The following CAPZB variants were observed in gnomAD, a reference collection of about 807,000 sequenced individuals.
CAPZB encodes F-actin-capping protein subunit beta.
In CAPZB, 2 loss-of-function variants were observed where a neutral mutation model predicts 38.1. The ratio of observed to expected loss-of-function variants is 0.05; its 90% CI spans 0.02 to 0.17. The LOEUF is 0.17. Ranked by LOEUF, CAPZB falls within the 10% of genes least tolerant of loss-of-function variation. The pLI is 1.00. For missense variants in CAPZB, 161 were observed against 334.2 expected (o/e 0.48, Z 4.04); for synonymous variants, 107 against 127.4 (o/e 0.84, Z 1.08).
intron 3 of CAPZB, among the ~76,000 whole-genome samples, chr1:19,384,052 G>T (rs2094190800): frequency 6.6e-6 from 1 of 152,162 alleles, no homozygotes; most frequent in Middle Eastern, 3.2e-3. Flanking sequence ...TAAAACTGTT[G>T]TCTAGTCTCT....
At chr1:19,366,283 A>AATAAATAAATATATATAT (rs71008151) in intron 4 of CAPZB, among the ~76,000 whole-genome samples, 3 of 60,498 alleles carry the variant, frequency 5.0e-5, no homozygotes, top group Non-Finnish European at 1.0e-4. Context: ...CGTGTCTTAA[A>AATAAATAAATATATATAT]ATATATATAT....
rs552762499 is a variant in CAPZB at position 19,357,670 on chromosome 1, C to A, written c.330-107G>T. 23 of 1,087,104 alleles carry A rather than the reference C, an allele frequency of 2.1e-5. No homozygotes were observed. The South Asian group carries it at 2.9e-4, about 14-fold the overall frequency. The allele number at this position is 1,087,104 out of a possible 1,614,324, so 67.3% of individuals were successfully genotyped here. A position where few individuals can be genotyped will look rare whatever the true frequency, so the allele number is the denominator to read the frequency against. ...ATTCTGGGATTCAGGGCCCTCCCTG[C>A]GACAGTTATGGGAGCCGATCCTTGG... On this transcript the variant is annotated intron_variant, in intron 4 of 8. Transcript: ENST00000264202. The surrounding 1 kb of genome is among the most constrained non-coding windows in gnomAD (Gnocchi z 4.3).
intron 1 of CAPZB, chr1:19,484,409 G>C: frequency 6.6e-7 from 1 of 1,523,412 alleles, no homozygotes; most frequent in Non-Finnish European, 8.8e-7. Flanking sequence ...ACTCAGGCCC[G>C]GGCGCCGTGG....
intron 2 of CAPZB, among the ~76,000 whole-genome samples, chr1:19,416,888 A>AAAAAAAAAAAAAAAAAT (rs2094382242): frequency 6.9e-6 from 1 of 144,032 alleles, no homozygotes; most frequent in African/African-American, 2.6e-5. Flanking sequence ...AAAAAAAAAA[A>AAAAAAAAAAAAAAAAAT]GTATGCTCTG....
At chr1:19,342,196 G>A (rs540447134) in intron 8 of CAPZB, among the ~76,000 whole-genome samples, 74 of 152,370 alleles carry the variant, frequency 4.9e-4, no homozygotes, top group Middle Eastern at 3.4e-3. Context: ...AGCTCCAGCA[G>A]AGCATCTGGG....
intron 1 of CAPZB, among the ~76,000 whole-genome samples, chr1:19,431,096 A>G (rs545478813): frequency 6.6e-6 from 1 of 152,318 alleles, no homozygotes; most frequent in South Asian, 2.1e-4. Flanking sequence ...CCCATAACAA[A>G]TGAGACATCA....
intron 1 of CAPZB, among the ~76,000 whole-genome samples, chr1:19,464,855 A>C (rs1320230767): frequency 6.6e-6 from 1 of 152,172 alleles, no homozygotes; most frequent in Non-Finnish European, 1.5e-5. Context: ...GTGACAAAGC[A>C]GATCAGTGGT....
At chr1:19,350,595 A>G (rs116764902) in intron 6 of CAPZB, among the ~76,000 whole-genome samples, 3,849 of 138,688 alleles carry the variant, frequency 0.028, 151 homozygotes, top group African/African-American at 0.098. Context: ...CTTGCAAGAT[A>G]TATGGTAGTA....
chr1:19,386,604 G>T (rs1445337153), intron 2 of CAPZB, among the ~76,000 whole-genome samples: 1 of 152,162 alleles, frequency 6.6e-6, no homozygotes, highest in Non-Finnish European at 1.5e-5. Flanking sequence ...GGCTGACAGC[G>T]ACAGTGGTTC....
intron 2 of CAPZB, among the ~76,000 whole-genome samples, chr1:19,412,388 CATT>C: frequency 6.6e-6 from 1 of 152,252 alleles, no homozygotes; most frequent in African/African-American, 2.4e-5. Context: ...GTGGAAAAAG[CATT>C]TTTTTAATGT....
intron 1 of CAPZB, among the ~76,000 whole-genome samples, chr1:19,448,105 T>C (rs1160310536): frequency 2.0e-5 from 3 of 152,198 alleles, no homozygotes; most frequent in African/African-American, 4.8e-5. Flanking sequence ...AATTAAGTAG[T>C]AGCCAGTCAA....
chr1:19,392,827 A>C (rs993945768), intron 2 of CAPZB, among the ~76,000 whole-genome samples: 3 of 152,210 alleles, frequency 2.0e-5, no homozygotes, highest in Non-Finnish European at 4.4e-5. Flanking sequence ...AATAGGTAAT[A>C]CATTCACATA....
At chr1:19,353,255 G>A (rs2094001634) in intron 6 of CAPZB, among the ~76,000 whole-genome samples, 2 of 152,302 alleles carry the variant, frequency 1.3e-5, no homozygotes, top group South Asian at 4.1e-4. Flanking sequence ...AAACCAAGCA[G>A]CCTTCCTTCC....
At chr1:19,367,999 C>T (rs2094099399) in intron 4 of CAPZB, among the ~76,000 whole-genome samples, 1 of 152,192 alleles carries the variant, frequency 6.6e-6, no homozygotes, top group Non-Finnish European at 1.5e-5. Flanking sequence ...CATGAGCCGT[C>T]AACAGTCAGG....
intron 6 of CAPZB, among the ~76,000 whole-genome samples, chr1:19,348,298 G>T (rs916863530): frequency 2.0e-5 from 3 of 151,904 alleles, no homozygotes; most frequent in Non-Finnish European, 4.4e-5. Context: ...AGACAAGGAG[G>T]TCTTGCTATG....
At chr1:19,375,220 T>C (rs2094138955) in intron 4 of CAPZB, among the ~76,000 whole-genome samples, 1 of 152,238 alleles carries the variant, frequency 6.6e-6, no homozygotes, top group African/African-American at 2.4e-5. Context: ...ATTTTTAGAC[T>C]ATAAATGGGT....
chr1:19,476,140 A>G (rs2094605523), intron 1 of CAPZB, among the ~76,000 whole-genome samples: 1 of 152,028 alleles, frequency 6.6e-6, no homozygotes, highest in African/African-American at 2.4e-5. Context: ...CCTGGGCAAC[A>G]AAGTAAGACT....
At chr1:19,353,940 T>C (rs2094006029) in intron 6 of CAPZB, among the ~76,000 whole-genome samples, 1 of 152,234 alleles carries the variant, frequency 6.6e-6, no homozygotes, top group Non-Finnish European at 1.5e-5. Context: ...CAGCTGCTCA[T>C]GCCGGCTGCT....
At chr1:19,359,210 CTTTTTTTTTTT>C (rs57251931) in intron 4 of CAPZB, among the ~76,000 whole-genome samples, 1 of 114,412 alleles carries the variant, frequency 8.7e-6, no homozygotes, top group South Asian at 3.0e-4. Context: ...TCTCTGTACT[CTTTTTTTTTTT>C]TTTTTTTTTT....
Sources: gnomAD v4.1 joint callset for allele counts (sites outside exome capture counted in the v4.1 genomes callset) on GRCh38, gnomAD v4.1.1 for gene constraint, Gnocchi (gnomAD v3.1) non-coding constraint, MANE v1.5 for transcripts, NCBI Gene and HGNC (gene_info 2026-07-23, HGNC 2026-07-21) for gene names.